Variants in ZCCHC4 observed in about 807,000 individuals in gnomAD.
ZCCHC4 encodes zinc finger CCHC-type containing 4.
A neutral mutation model predicts 67.7 loss-of-function variants in ZCCHC4; 54 were observed. That is an observed-to-expected ratio of 0.80 (90% CI 0.64 to 1.00). The LOEUF is 1.00. Ranked by LOEUF, ZCCHC4 falls within the 50% of genes least tolerant of loss-of-function variation. ZCCHC4 has a pLI of 0.00. For missense variants in ZCCHC4, 609 were observed against 617.0 expected (o/e 0.99, Z 0.14); for synonymous variants, 198 against 213.5 (o/e 0.93, Z 0.63).
rs758503271 is a variant in ZCCHC4, at chr4:25,361,942, G to A, written c.1095G>A (p.Pro365=). 52 of 1,613,750 alleles carry A rather than the reference G, an allele frequency of 3.2e-5. No homozygotes were observed. The highest frequency in any genetic ancestry group is 5.3e-5 in the African/African-American group (4 of 74,828). ...QSPVRIFTNI[P]PNKIILPTEE... ...CCGTGCGTATTTTCACCAACATTCC[G>A]CCCAACAAAATAATCCTTCCTACTG... The change falls in exon 9 of 13, where the codon CCG becomes CCA. Residue 365 remains proline (P), a synonymous_variant. Coordinates refer to ENST00000302874, the MANE Select transcript of ZCCHC4 (RefSeq NM_024936.3).
chr4:25,351,948 C>T, intron 8 of ZCCHC4: 2 of 1,114,350 alleles, frequency 1.8e-6, no homozygotes, highest in Non-Finnish European at 2.2e-6. Context: ...TCTCACCAAG[C>T]TCCTTGGGTG....
chr4:25,325,967 C>T (rs1481155270), intron 3 of ZCCHC4, among the ~76,000 whole-genome samples: 2 of 152,084 alleles, frequency 1.3e-5, no homozygotes, highest in Non-Finnish European at 2.9e-5. Flanking sequence ...TAATATTATC[C>T]TTTCCTTGTT....
At chr4:25,364,410 TAAC>T (rs1331023602) in intron 10 of ZCCHC4, 41 bp from the exon 11 acceptor site, 4 of 1,363,674 alleles carry the variant, frequency 2.9e-6, no homozygotes, top group African/African-American at 3.0e-5. Context: ...TGATTTTTAA[TAAC>T]AAATTAATTA....
chr4:25,362,133 A>G, intron 9 of ZCCHC4, 93 bp from the exon 10 acceptor site: 1 of 1,452,984 alleles, frequency 6.9e-7, no homozygotes, highest in Non-Finnish European at 9.4e-7. Flanking sequence ...TTCAGATTGC[A>G]CCCAGTTTTT....
chr4:25,312,782 C>G lies in ZCCHC4; in HGVS notation c.-28C>G, dbSNP rs1276715185. ...TCTTTCTCAGCATTCTTGTTTCGTA[C>G]TGAGGCTTTCGGGACGGCGGCGGGA... On this transcript the variant is annotated 5_prime_UTR_variant, in exon 1 of 13. Coordinates refer to ENST00000302874, the MANE Select transcript of ZCCHC4 (RefSeq NM_024936.3). 5 of 1,612,426 alleles carry G rather than the reference C, an allele frequency of 3.1e-6. No individual in the cohort carries two copies. Among genetic ancestry groups the G allele is most frequent in the African/African-American group, 1.3e-5 (1 of 74,878 alleles).
intron 5 of ZCCHC4, among the ~76,000 whole-genome samples, chr4:25,334,566 A>G (rs1246029420): frequency 6.6e-6 from 1 of 152,174 alleles, no homozygotes; most frequent in African/African-American, 2.4e-5. Flanking sequence ...ACACAGAGGG[A>G]GGAACACATC....
chr4:25,337,202 C>A (rs1028286334), intron 5 of ZCCHC4, among the ~76,000 whole-genome samples: 12 of 152,122 alleles, frequency 7.9e-5, no homozygotes, highest in African/African-American at 2.4e-4. Context: ...CTTTGGAGAC[C>A]TGGAAATCCA....
At chr4:25,328,843 AAAGTGTTAGG>A (rs1265415502) in intron 3 of ZCCHC4, among the ~76,000 whole-genome samples, 1 of 152,052 alleles carries the variant, frequency 6.6e-6, no homozygotes, top group Non-Finnish European at 1.5e-5. Flanking sequence ...TTGGCCTCCC[AAAGTGTTAGG>A]ATTACAGGTG....
chr4:25,331,558 T>C (rs1719182833), intron 3 of ZCCHC4, among the ~76,000 whole-genome samples: 1 of 152,220 alleles, frequency 6.6e-6, no homozygotes, highest in Non-Finnish European at 1.5e-5. Flanking sequence ...CCTCCTGTCG[T>C]GGGCTCCCAA....
chr4:25,354,419 A>G (rs1017948832), intron 8 of ZCCHC4, among the ~76,000 whole-genome samples: 11 of 148,940 alleles, frequency 7.4e-5, no homozygotes, highest in South Asian at 2.1e-4. Context: ...AACCTTTGGG[A>G]AAAAAAATGA....
chr4:25,347,342 C>G (rs1720072533), intron 6 of ZCCHC4, among the ~76,000 whole-genome samples: 1 of 152,008 alleles, frequency 6.6e-6, no homozygotes, highest in African/African-American at 2.4e-5. Context: ...TTTTTCGAAA[C>G]TCTTTGTAGC....
chr4:25,333,145 T>G (rs1309224717), intron 3 of ZCCHC4, 38 bp from the exon 4 acceptor site: 1 of 1,584,268 alleles, frequency 6.3e-7, no homozygotes. Flanking sequence ...AACAATAAAC[T>G]TAAAATATAT....
At chr4:25,330,293 T>G (rs187465939) in intron 3 of ZCCHC4, among the ~76,000 whole-genome samples, 1 of 145,952 alleles carries the variant, frequency 6.9e-6, no homozygotes. Flanking sequence ...GCCTTGCTGA[T>G]TTTTTTTTTC....
intron 2 of ZCCHC4, 34 bp from the exon 3 acceptor site, chr4:25,315,284 C>A: frequency 6.4e-7 from 1 of 1,559,746 alleles, no homozygotes; most frequent in Non-Finnish European, 8.7e-7. Flanking sequence ...AGATATTTCA[C>A]AGTTTATTCA....
intron 5 of ZCCHC4, among the ~76,000 whole-genome samples, chr4:25,336,390 G>A (rs183077175): frequency 6.6e-6 from 1 of 152,178 alleles, no homozygotes; most frequent in African/African-American, 2.4e-5. Flanking sequence ...TTTAAATTCT[G>A]TGTTCCTTTC....
intron 3 of ZCCHC4, among the ~76,000 whole-genome samples, chr4:25,328,643 GCA>G: frequency 6.6e-6 from 1 of 152,056 alleles, no homozygotes; most frequent in Non-Finnish European, 1.5e-5. Flanking sequence ...GTGCAGTGGT[GCA>G]ATCATGGCTC....
At chr4:25,318,173 A>G (rs1718372729) in intron 3 of ZCCHC4, among the ~76,000 whole-genome samples, 1 of 152,088 alleles carries the variant, frequency 6.6e-6, no homozygotes, top group African/African-American at 2.4e-5. Context: ...GCCATAATGT[A>G]TACATAGTTT....
chr4:25,329,330 C>T (rs1719052337), intron 3 of ZCCHC4, among the ~76,000 whole-genome samples: 1 of 151,774 alleles, frequency 6.6e-6, no homozygotes, highest in Non-Finnish European at 1.5e-5. Flanking sequence ...CAAAATCCAC[C>T]CTCCCCTTTA....
At chr4:25,364,641 T>G in intron 11 of ZCCHC4, 136 bp downstream of exon 11, 1 of 807,776 alleles carries the variant, frequency 1.2e-6, no homozygotes, top group African/African-American at 1.8e-5. Context: ...GCTTTTTAAT[T>G]TTATAGTTAT....
Sources: allele counts gnomAD v4.1 joint callset (sites outside exome capture counted in the v4.1 genomes callset), GRCh38; gene constraint gnomAD v4.1.1; transcripts MANE v1.5; gene names NCBI Gene and HGNC (gene_info 2026-07-23, HGNC 2026-07-21).